The following ELK1 variants were observed in gnomAD, a reference collection of about 807,000 sequenced individuals.
The protein encoded by ELK1 is ETS domain-containing protein Elk-1.
For synonymous variants in ELK1, 163 were observed against 176.3 expected, an observed-to-expected ratio of 0.92 and a Z score of 0.60; for missense variants, 254 against 381.5, an observed-to-expected ratio of 0.67 and a Z score of 2.78.
intron 4 of ELK1, 35 bp from the exon 5 acceptor site, chrX:47,638,217 G>A: frequency 8.4e-7 from 1 of 1,188,570 alleles, no homozygotes; most frequent in Non-Finnish European, 1.1e-6. Context: ...GGGTGTGTAA[G>A]GATTGTTGGG....
chrX:47,637,974 G>C lies in ELK1; in HGVS notation c.863C>G (p.Ala288Gly), dbSNP rs373267605. The stretch of plus-strand genomic sequence containing the variant: ...CTGCCCTGCGGTGTCCATAACAACC[G>C]CGGGCAGCCGGGCTGGCACGCCCTC... ...PQEGVPARLP[A>G]VVMDTAGQAG... Residue 288 changes from alanine (A) to glycine (G), a missense_variant, in exon 5 of 7, where the codon GCG (alanine) becomes GGG (glycine). Physicochemically the swap from Ala to Gly is moderately conservative, Grantham distance 60. Transcript: ENST00000376983. 2.5e-6 allele frequency: 3 copies of C among 1,196,245 alleles called. No homozygotes were observed. The South Asian group carries it at 5.3e-5, about 21-fold the overall frequency.
intron 3 of ELK1, among the ~76,000 whole-genome samples, chrX:47,640,170 G>T (rs2058023822): frequency 8.9e-6 from 1 of 111,909 alleles, no homozygotes; most frequent in African/African-American, 3.3e-5. Context: ...GGGTTTTTCA[G>T]GTCTGGTGGG....
chrX:47,648,174 C>A (rs776160452), intron 2 of ELK1, among the ~76,000 whole-genome samples: 5 of 109,589 alleles, frequency 4.6e-5, no homozygotes, highest in Non-Finnish European at 7.6e-5. Flanking sequence ...CGCTATATTG[C>A]CCAGGCTGGC....
chrX:47,636,518 A>G lies in ELK1; in HGVS notation c.*311T>C, dbSNP rs1248827204. Reference sequence around the variant, plus strand: ...GGGGAGATGTCCTAACCACCCTAAAAGGTTAGGTCAGGCTCCTCCCAGTGG... The same window carrying G: ...GGGGAGATGTCCTAACCACCCTAAAGGGTTAGGTCAGGCTCCTCCCAGTGG... On this transcript the variant is annotated 3_prime_UTR_variant, in exon 7 of 7. Transcript: ENST00000376983. 4.7e-6 allele frequency: 1 copy of G among 211,500 alleles called. No individual in the cohort carries two copies. The allele number at this position is 211,500 out of a possible 1,213,427, so 17.4% of individuals were successfully genotyped here.
intron 2 of ELK1, among the ~76,000 whole-genome samples, chrX:47,647,359 A>G (rs988172603): frequency 1.8e-5 from 2 of 110,552 alleles, no homozygotes; most frequent in African/African-American, 6.6e-5. Context: ...ATGGGGTTTC[A>G]CCGTGATGCC....
intron 5 of ELK1, 107 bp downstream of exon 5, chrX:47,637,644 T>G: frequency 4.1e-6 from 4 of 983,762 alleles, no homozygotes; most frequent in Non-Finnish European, 5.4e-6. Context: ...TCCACCCTCT[T>G]CAGGAACAAC....
intron 2 of ELK1, among the ~76,000 whole-genome samples, chrX:47,641,679 T>C (rs758195647): frequency 8.9e-6 from 1 of 112,194 alleles, no homozygotes; most frequent in Non-Finnish European, 1.9e-5. Flanking sequence ...ATGGGTATCT[T>C]AGGATGGTGT....
At chrX:47,642,526 G>A (rs1451685265) in intron 2 of ELK1, among the ~76,000 whole-genome samples, 3 of 109,673 alleles carry the variant, frequency 2.7e-5, no homozygotes, top group African/African-American at 1.0e-4. Context: ...TTATGAAGCC[G>A]TCCTAAAACT....
rs2058038626 is a variant in ELK1 at position 47,644,791 on chromosome X, C to T, written c.-34-3316G>A. Among the ~76,000 whole-genome samples, 3 of 110,256 alleles carry T rather than the reference C, an allele frequency of 2.7e-5. No homozygotes were observed. The South Asian group carries it at 1.2e-3, about 43-fold the overall frequency. ...GGAGAGGAGAACAGAGTGACGGGGG[C>T]CAGACTGAGCCAGGCTTTTTCGGGT... On this transcript the variant is annotated intron_variant, in intron 2 of 6. Transcript: ENST00000376983.
chrX:47,642,415 T>C (rs2058031347), intron 2 of ELK1, among the ~76,000 whole-genome samples: 1 of 110,853 alleles, frequency 9.0e-6, no homozygotes, highest in Non-Finnish European at 1.9e-5. Context: ...GGTTTTTTTT[T>C]TGCCAGACCC....
chrX:47,637,492 G>T (rs1251174282), intron 5 of ELK1, among the ~76,000 whole-genome samples: 1 of 110,700 alleles, frequency 9.0e-6, no homozygotes, highest in African/African-American at 3.3e-5. Context: ...CCCTGCTCAG[G>T]TTCCTTAAGC....
intron 4 of ELK1, among the ~76,000 whole-genome samples, 199 bp downstream of exon 4, chrX:47,638,696 A>T (rs1206767990): frequency 8.9e-6 from 1 of 112,095 alleles, no homozygotes; most frequent in African/African-American, 3.2e-5. Context: ...ACTGTAGCAC[A>T]GTATTCTCCC....
At chrX:47,644,235 C>T (rs2058036711) in intron 2 of ELK1, among the ~76,000 whole-genome samples, 3 of 111,791 alleles carry the variant, frequency 2.7e-5, no homozygotes. Context: ...CGGTGGGCTT[C>T]CAGCTTCAAC....
intron 4 of ELK1, 58 bp downstream of exon 4, chrX:47,638,837 T>G: frequency 5.3e-6 from 6 of 1,131,789 alleles, no homozygotes; most frequent in Non-Finnish European, 7.1e-6. Flanking sequence ...ATCCGGGGAT[T>G]ACACATCCCT....
In ELK1 at chrX:47,638,996, C is replaced by A; in HGVS notation, c.553G>T (p.Ala185Ser). 8.3e-7 allele frequency: 1 copy of A among 1,200,717 alleles called. No homozygotes were observed. Among genetic ancestry groups the A allele is most frequent in the Non-Finnish European group, 1.1e-6 (1 of 890,080 alleles). The change falls in exon 4 of 7, where the codon GCT becomes TCT. Residue 185 changes from alanine to serine, a missense_variant. Ala to Ser is a moderately conservative substitution (Grantham distance 99). Coordinates refer to ENST00000376983, the MANE Select transcript of ELK1 (RefSeq NM_001114123.3). The stretch of plus-strand genomic sequence containing the variant: ...GGGGGCGCTGCTGCCCCTGCAGGAG[C>A]TGCACTGGGGAGCACCACAGCAGGC... Reference protein sequence around the residue: ...PRPAVVLPSAAPAGAAAPPSG... With the variant: ...PRPAVVLPSASPAGAAAPPSG...
rs760849742 is a variant in ELK1 at position 47,638,956 on chromosome X, C to T, written c.593G>A (p.Ser198Asn). The change falls in exon 4 of 7, where the codon AGC becomes AAC. Residue 198 changes from serine to asparagine, a missense_variant. By Grantham distance (46) the Ser-to-Asn change is conservative. Coordinates refer to ENST00000376983, the MANE Select transcript of ELK1 (RefSeq NM_001114123.3). Reference protein sequence around the residue: ...GAAAPPSGSRSTSPSPLEACL... With the variant: ...GAAAPPSGSRNTSPSPLEACL... ...GGCCTCCAAGGGGCTTGGACTGGTG[C>T]TCCTGCTCCCCGAGGGGGGCGCTGC... is the stretch of plus-strand genomic sequence containing the variant. The T allele has an allele frequency of 8.3e-7, 1 of 1,201,011 alleles. No homozygotes were observed. Among genetic ancestry groups the T allele is most frequent in the Non-Finnish European group, 1.1e-6 (1 of 890,425 alleles).
chrX:47,648,824 G>T (rs1291063735), intron 2 of ELK1: 2 of 110,701 alleles, frequency 1.8e-5, no homozygotes, highest in Admixed American at 1.9e-4. Context: ...GCACAGAGAG[G>T]AAGTGGTTAA....
intron 2 of ELK1, among the ~76,000 whole-genome samples, chrX:47,642,433 G>A (rs2058031456): frequency 9.1e-6 from 1 of 109,984 alleles, no homozygotes; most frequent in Admixed American, 9.7e-5. Flanking sequence ...CCCTTGCAAA[G>A]GCTGCTCACT....
At chrX:47,646,671 G>T (rs1290082180) in intron 2 of ELK1, among the ~76,000 whole-genome samples, 1 of 112,490 alleles carries the variant, frequency 8.9e-6, no homozygotes, top group Non-Finnish European at 1.9e-5. Flanking sequence ...CCACCGTGTG[G>T]TAAACATCCT....
Sources: allele counts gnomAD v4.1 joint callset (sites outside exome capture counted in the v4.1 genomes callset), GRCh38; gene constraint gnomAD v4.1.1; transcripts MANE v1.5; gene names NCBI Gene and HGNC (gene_info 2026-07-23, HGNC 2026-07-21).